EYS: variants seen among roughly 807,000 people sequenced by gnomAD.
EYS encodes the protein EGF-like photoreceptor maintenance factor.
A neutral mutation model predicts 282.1 loss-of-function variants in EYS; 250 were observed. That is an observed-to-expected ratio of 0.89 (90% CI 0.80 to 0.98). EYS has a LOEUF of 0.98. EYS is among the 50% of genes least tolerant of loss of function. EYS has a pLI of 0.00. For missense variants in EYS, 4,016 were observed against 3,709.0 expected (o/e 1.08, Z -2.15); for synonymous variants, 1,355 against 1,282.9 (o/e 1.06, Z -1.20).
At chr6:65,007,535 AC>A (rs1304331146) in intron 13 of EYS, among the ~76,000 whole-genome samples, 1 of 152,078 alleles carries the variant, frequency 6.6e-6, no homozygotes, top group Non-Finnish European at 1.5e-5. Context: ...ATATGTACAA[AC>A]TTTCTTTTCA....
At position 64,297,994 on chromosome 6, in the gene EYS, AAAAAAT is replaced by A. The variant is rs1215289510; in HGVS notation, c.6191+8970_6191+8975del. Among the ~76,000 whole-genome samples the A allele has an allele frequency of 4.6e-5, 7 of 151,658 alleles. 1 individual carries two copies. Among genetic ancestry groups the A allele is most frequent in the African/African-American group, 1.2e-4 (5 of 41,244 alleles). On this transcript the variant is annotated intron_variant, in intron 30 of 42. Transcript: ENST00000503581. The stretch of plus-strand genomic sequence containing the variant: ...TTCTGTCTCAAAAAAAAAAAAAAAA[AAAAAAT>A]TAGGTAGAAATTAAGACATTCCCAG...
At position 65,065,069 on chromosome 6, in the gene EYS, G is replaced by A. The variant is rs554496531; in HGVS notation, c.2024-7342C>T. Among the ~76,000 whole-genome samples, 4 of 152,212 alleles carry A rather than the reference G, an allele frequency of 2.6e-5. No homozygotes were observed. The South Asian group carries it at 8.3e-4, about 32-fold the overall frequency. On this transcript the variant is annotated intron_variant, in intron 12 of 42. Coordinates refer to ENST00000503581, the MANE Select transcript of EYS (RefSeq NM_001142800.2). ...GAGTAAGCCACCAGGAAACCCCTAG[G>A]CCTCTTTCTTTGTGACTAAGAATCT...
At chr6:64,092,483 T>G (rs1772403969) in intron 31 of EYS, among the ~76,000 whole-genome samples, 1 of 152,076 alleles carries the variant, frequency 6.6e-6, no homozygotes, top group Middle Eastern at 3.2e-3. Flanking sequence ...GGTTTTGATT[T>G]GCATTTCTCT....
intron 2 of EYS, among the ~76,000 whole-genome samples, chr6:65,569,207 C>A (rs1416881085): frequency 6.6e-6 from 1 of 152,032 alleles, no homozygotes; most frequent in Non-Finnish European, 1.5e-5. Flanking sequence ...CCACTGAGCA[C>A]CTTGTGACCC....
intron 4 of EYS, among the ~76,000 whole-genome samples, chr6:65,492,545 CT>C (rs1314494734): frequency 5.9e-5 from 9 of 152,248 alleles, no homozygotes; most frequent in African/African-American, 2.2e-4. Flanking sequence ...GCCAAATGTT[CT>C]TTAAAACTCT....
At chr6:65,293,997 G>C (rs796383830) in intron 12 of EYS, among the ~76,000 whole-genome samples, 35 of 151,842 alleles carry the variant, frequency 2.3e-4, no homozygotes, top group African/African-American at 6.8e-4. Flanking sequence ...GCAAATGGAG[G>C]GGGGAAAAGA....
intron 10 of EYS, among the ~76,000 whole-genome samples, chr6:65,339,246 A>C (rs1770106886): frequency 6.6e-6 from 1 of 151,178 alleles, no homozygotes; most frequent in Non-Finnish European, 1.5e-5. Flanking sequence ...CTATTGAAAT[A>C]GGGGAGAGAA....
chr6:63,835,346 TATAC>T (rs1288139951), intron 36 of EYS, among the ~76,000 whole-genome samples: 2 of 150,912 alleles, frequency 1.3e-5, no homozygotes, highest in Admixed American at 6.6e-5. Context: ...TCTATATATA[TATAC>T]ACACACACAC....
intron 13 of EYS, among the ~76,000 whole-genome samples, chr6:65,057,279 T>A (rs888919079): frequency 6.6e-6 from 1 of 152,072 alleles, no homozygotes; most frequent in Non-Finnish European, 1.5e-5. Context: ...GACAATTTCA[T>A]AAGAAATTAA....
chr6:65,019,117 C>A (rs918529482), intron 13 of EYS, among the ~76,000 whole-genome samples: 1 of 151,924 alleles, frequency 6.6e-6, no homozygotes, highest in African/African-American at 2.4e-5. Flanking sequence ...TTTTTGGGTA[C>A]CATATGGTTT....
intron 13 of EYS, among the ~76,000 whole-genome samples, chr6:65,031,612 A>G (rs1455117602): frequency 3.9e-5 from 6 of 152,184 alleles, no homozygotes; most frequent in Non-Finnish European, 8.8e-5. Context: ...AAATTAAACA[A>G]CCTACTCCTG....
chr6:64,083,757 T>C (rs1772053228), intron 31 of EYS, among the ~76,000 whole-genome samples: 1 of 152,252 alleles, frequency 6.6e-6, no homozygotes, highest in South Asian at 2.1e-4. Flanking sequence ...GTTTGTTTTT[T>C]GAGACAGTCT....
chr6:64,669,363 AAGAG>A (rs923941823), intron 22 of EYS, among the ~76,000 whole-genome samples: 9 of 152,176 alleles, frequency 5.9e-5, no homozygotes, highest in African/African-American at 1.7e-4. Flanking sequence ...TGATGCAAAA[AAGAG>A]AGAGAGAGAT....
chr6:64,187,614 C>T (rs1237453931), intron 31 of EYS, among the ~76,000 whole-genome samples: 1 of 152,016 alleles, frequency 6.6e-6, no homozygotes, highest in Non-Finnish European at 1.5e-5. Context: ...ATCTTTTCTA[C>T]CTACCCAACA....
intron 1 of EYS, among the ~76,000 whole-genome samples, chr6:65,677,619 C>T (rs1768671409): frequency 6.6e-6 from 1 of 151,934 alleles, no homozygotes; most frequent in African/African-American, 2.4e-5. Context: ...ATTAAAATGT[C>T]ATTACCACCC....
In EYS at chr6:65,588,660, A is replaced by G. The variant is rs565674278; in HGVS notation, c.-333+51118T>C. Reference sequence around the variant, plus strand: ...ACTTTCTCAAAGAAAGATCATTCCTATATTTTTGGCAAAGGGATGGGCTCC... The same window carrying G: ...ACTTTCTCAAAGAAAGATCATTCCTGTATTTTTGGCAAAGGGATGGGCTCC... On this transcript the variant is annotated intron_variant, in intron 2 of 42. Coordinates refer to ENST00000503581, the MANE Select transcript of EYS (RefSeq NM_001142800.2). Among the ~76,000 whole-genome samples, 5 of 152,214 alleles carry G rather than the reference A, an allele frequency of 3.3e-5. No individual in the cohort carries two copies. In the East Asian group the frequency reaches 9.7e-4, roughly 29 times the overall value.
intron 18 of EYS, among the ~76,000 whole-genome samples, chr6:64,899,931 C>T (rs1400441090): frequency 6.6e-6 from 1 of 152,068 alleles, no homozygotes; most frequent in Non-Finnish European, 1.5e-5. Flanking sequence ...CAAGACAATC[C>T]TAAGCAAAGG....
At chr6:64,902,991 A>T (rs1374754711) in intron 16 of EYS, among the ~76,000 whole-genome samples, 1 of 152,120 alleles carries the variant, frequency 6.6e-6, no homozygotes, top group Non-Finnish European at 1.5e-5. Flanking sequence ...TCAGTCATCC[A>T]TTTAAACACA....
At position 65,495,525 on chromosome 6, in the gene EYS, T is replaced by C. The variant is rs1202616570; in HGVS notation, c.-115A>G. 4 of 1,128,006 alleles carry C rather than the reference T, an allele frequency of 3.5e-6. No individual in the cohort carries two copies. Among genetic ancestry groups the C allele is most frequent in the Non-Finnish European group, 3.8e-6 (3 of 779,228 alleles). 69.9% of individuals were successfully genotyped at this position (1,128,006 alleles called of 1,614,324 possible). A position where few individuals can be genotyped will look rare whatever the true frequency, so the allele number is the denominator to read the frequency against. Reference sequence around the variant, plus strand: ...GGTTAAGGATTCCTGGGAATTGGAATTGACCTTTTTTCTATACCCAAAGTA... The same window carrying C: ...GGTTAAGGATTCCTGGGAATTGGAACTGACCTTTTTTCTATACCCAAAGTA... On this transcript the variant is annotated 5_prime_UTR_variant, in exon 4 of 43. Transcript: ENST00000503581.
Sources: gnomAD v4.1 joint callset for allele counts (sites outside exome capture counted in the v4.1 genomes callset) on GRCh38, gnomAD v4.1.1 for gene constraint, MANE v1.5 for transcripts, NCBI Gene and HGNC (gene_info 2026-07-23, HGNC 2026-07-21) for gene names.